The following TANC1 variants were observed in gnomAD, a reference collection of about 807,000 sequenced individuals.
TANC1 encodes the protein protein TANC1.
In TANC1, 77 loss-of-function variants were observed where a neutral mutation model predicts 149.7. The ratio of observed to expected loss-of-function variants is 0.51; its 90% CI spans 0.43 to 0.62. The LOEUF (loss-of-function observed/expected upper bound fraction) is 0.62. TANC1 is among the 20% of genes least tolerant of loss of function. The pLI is 0.00. For missense variants in TANC1, 1,985 were observed against 2,321.8 expected, an observed-to-expected ratio of 0.85 and a Z score of 2.98; for synonymous variants, 854 against 925.0, an observed-to-expected ratio of 0.92 and a Z score of 1.39.
At position 159,179,249 on chromosome 2, in the gene TANC1, A is replaced by T. The variant is rs537109881; in HGVS notation, c.2510+86A>T. 3 of 1,478,584 alleles carry T rather than the reference A, an allele frequency of 2.0e-6. No individual in the cohort carries two copies. The African/African-American group carries it at 4.2e-5, about 21-fold the overall frequency. 91.6% of individuals were successfully genotyped at this position (1,478,584 alleles called of 1,614,324 possible). A position where few individuals can be genotyped will look rare whatever the true frequency, so the allele number is the denominator to read the frequency against. ...ATTTAAATGTGATGCACGTGTCTCA[A>T]TGGAAGGGCAATCCAGAATGACTAA... On this transcript the variant is annotated intron_variant, in intron 14 of 26. Transcript: ENST00000263635.
chr2:159,158,450 A>G (rs1284497661), intron 7 of TANC1, among the ~76,000 whole-genome samples: 1 of 152,202 alleles, frequency 6.6e-6, no homozygotes, highest in Non-Finnish European at 1.5e-5. Context: ...GCTGTTAATG[A>G]GAGTCAGTGA....
intron 19 of TANC1, among the ~76,000 whole-genome samples, chr2:159,208,619 C>G (rs2058781041): frequency 6.6e-6 from 1 of 152,168 alleles, no homozygotes; most frequent in African/African-American, 2.4e-5. Context: ...TTCCATGATG[C>G]TTGGTTGATG....
intron 22 of TANC1, among the ~76,000 whole-genome samples, chr2:159,220,828 C>T (rs1427457065): frequency 6.6e-6 from 1 of 152,172 alleles, no homozygotes; most frequent in African/African-American, 2.4e-5. Flanking sequence ...GTGATCACCC[C>T]ACCTTGGCTT....
At chr2:159,117,053 C>T (rs2048336750) in intron 4 of TANC1, among the ~76,000 whole-genome samples, 1 of 152,142 alleles carries the variant, frequency 6.6e-6, no homozygotes, top group South Asian at 2.1e-4. Context: ...TCTGCCTTTC[C>T]ACCATATCCT....
chr2:159,007,420 G>A (rs568991853), intron 2 of TANC1, among the ~76,000 whole-genome samples: 122 of 152,138 alleles, frequency 8.0e-4, no homozygotes, highest in African/African-American at 2.7e-3. Context: ...TGCTGGGATT[G>A]CAGGCATGAG....
intron 2 of TANC1, among the ~76,000 whole-genome samples, chr2:159,052,074 T>C (rs528999458): frequency 1.3e-5 from 2 of 152,284 alleles, no homozygotes; most frequent in South Asian, 4.1e-4. Flanking sequence ...GGGTACCACA[T>C]TCATTAGGAA....
intron 22 of TANC1, 151 bp downstream of exon 22, chr2:159,220,018 G>GTGTC: frequency 1.5e-6 from 1 of 674,182 alleles, no homozygotes; most frequent in South Asian, 2.1e-5. Flanking sequence ...GTGTGTGTGT[G>GTGTC]TGTCTTGTCA....
In TANC1 at chr2:159,035,977, G is replaced by A. The variant is rs368475792; in HGVS notation, c.-15-29919G>A. Among the ~76,000 whole-genome samples, 5 of 152,344 alleles carry A rather than the reference G, an allele frequency of 3.3e-5. No homozygotes were observed. In the South Asian group the frequency reaches 1.0e-3, roughly 32 times the overall value. ...GGTCCTCCGGACAGAGGGTCTGAGA[G>A]CGGGCATGCTGTGAGAGTGGGCGTG... On this transcript the variant is annotated intron_variant, in intron 2 of 26. Transcript: ENST00000263635.
chr2:159,172,553 C>T (rs1030278300), intron 11 of TANC1, among the ~76,000 whole-genome samples: 1 of 152,206 alleles, frequency 6.6e-6, no homozygotes, highest in Non-Finnish European at 1.5e-5. Flanking sequence ...CAAATCCATG[C>T]TTATCTGCAT....
At chr2:159,180,956 A>G (rs2056409805) in intron 14 of TANC1, among the ~76,000 whole-genome samples, 1 of 152,098 alleles carries the variant, frequency 6.6e-6, no homozygotes, top group Non-Finnish European at 1.5e-5. Flanking sequence ...TGGGGAGGTG[A>G]TTTTAAAACA....
At chr2:159,165,732 T>C (rs1030639199) in intron 8 of TANC1, among the ~76,000 whole-genome samples, 1 of 152,234 alleles carries the variant, frequency 6.6e-6, no homozygotes, top group Non-Finnish European at 1.5e-5. Context: ...CTCTTAGAAG[T>C]ATTTGCATGT....
intron 1 of TANC1, among the ~76,000 whole-genome samples, chr2:158,971,033 C>T (rs1332598842): frequency 2.0e-5 from 3 of 152,142 alleles, no homozygotes; most frequent in Admixed American, 1.3e-4. Flanking sequence ...CCATAACAGC[C>T]TGTAGAAAAA....
At chr2:159,092,101 T>G (rs1022789479) in intron 3 of TANC1, among the ~76,000 whole-genome samples, 1 of 152,168 alleles carries the variant, frequency 6.6e-6, no homozygotes, top group Non-Finnish European at 1.5e-5. Context: ...TTGCACAAGT[T>G]CCGTTTTCTG....
intron 2 of TANC1, among the ~76,000 whole-genome samples, chr2:159,006,295 C>CAAAA (rs71406138): frequency 2.0e-4 from 15 of 75,088 alleles, no homozygotes; most frequent in East Asian, 3.4e-4. Flanking sequence ...GACTTAGTCT[C>CAAAA]AAAAAAAAAA....
chr2:158,985,675 G>A (rs550319264), intron 1 of TANC1, among the ~76,000 whole-genome samples: 4 of 151,786 alleles, frequency 2.6e-5, no homozygotes, highest in African/African-American at 7.3e-5. Context: ...ACAGAGTCTC[G>A]CTTTGTTGCC....
At chr2:159,064,992 T>C (rs149499785) in intron 2 of TANC1, among the ~76,000 whole-genome samples, 1 of 152,208 alleles carries the variant, frequency 6.6e-6, no homozygotes, top group East Asian at 1.9e-4. Context: ...CTTAGTGCAT[T>C]AATAAAGGTG....
chr2:159,162,297 C>T (rs2054119082), intron 7 of TANC1, among the ~76,000 whole-genome samples: 1 of 152,148 alleles, frequency 6.6e-6, no homozygotes, highest in Non-Finnish European at 1.5e-5. Context: ...TGTGCACTCC[C>T]ATTTAACAGG....
chr2:159,117,598 G>A (rs576257379), intron 4 of TANC1, among the ~76,000 whole-genome samples: 8 of 151,452 alleles, frequency 5.3e-5, no homozygotes, highest in Admixed American at 1.3e-4. Flanking sequence ...GGGTTTCACC[G>A]TGTTGGCCAG....
chr2:159,045,510 A>C (rs896976879), intron 2 of TANC1, among the ~76,000 whole-genome samples: 2 of 152,144 alleles, frequency 1.3e-5, no homozygotes, highest in Non-Finnish European at 2.9e-5. Flanking sequence ...AGATCCGAAG[A>C]AATTGTCTGC....
Sources: allele counts gnomAD v4.1 joint callset (sites outside exome capture counted in the v4.1 genomes callset), GRCh38; gene constraint gnomAD v4.1.1; transcripts MANE v1.5; gene names NCBI Gene and HGNC (gene_info 2026-07-23, HGNC 2026-07-21).